ABCA1: variants seen among roughly 807,000 people sequenced by gnomAD.
ABCA1 encodes ATP binding cassette subfamily A member 1.
A neutral mutation model predicts 262.5 loss-of-function variants in ABCA1; 133 were observed. The ratio of observed to expected loss-of-function variants is 0.51; its 90% CI spans 0.44 to 0.59. ABCA1 has a LOEUF of 0.59. ABCA1 is among the 20% of genes least tolerant of loss of function. The pLI, the probability that ABCA1 is intolerant of heterozygous loss-of-function variation, is 0.00. For synonymous variants in ABCA1, 1,022 were observed against 1,043.5 expected, an observed-to-expected ratio of 0.98 and a Z score of 0.40; for missense variants, 2,452 against 2,777.5, an observed-to-expected ratio of 0.88 and a Z score of 2.63.
At chr9:104,803,501 C>T (rs1830513514) in intron 32 of ABCA1, among the ~76,000 whole-genome samples, 185 bp from the exon 33 acceptor site, 1 of 152,190 alleles carries the variant, frequency 6.6e-6, no homozygotes, top group Non-Finnish European at 1.5e-5. Context: ...CCAGCCTTCT[C>T]TCCATCATAA....
chr9:104,801,980 A>G, intron 34 of ABCA1, 74 bp downstream of exon 34: 1 of 1,363,448 alleles, frequency 7.3e-7, no homozygotes, highest in Non-Finnish European at 1.0e-6. Context: ...TGATCCGTTT[A>G]ACCTGCCAAC....
intron 1 of ABCA1, among the ~76,000 whole-genome samples, chr9:104,924,580 A>T (rs1842322217): frequency 6.6e-6 from 1 of 151,156 alleles, no homozygotes; most frequent in Non-Finnish European, 1.5e-5. Context: ...ACTGCGCTCC[A>T]GCCTAGGCAA....
At position 104,785,556 on chromosome 9, in the gene ABCA1, G is replaced by A; in HGVS notation, c.6485C>T (p.Ala2162Val). 6.2e-7 allele frequency: 1 copy of A among 1,612,790 alleles called. No individual in the cohort carries two copies. Among genetic ancestry groups the A allele is most frequent in the East Asian group, 2.2e-5 (1 of 44,806 alleles). ...CTCTTTTAGAACACTTCCAGGAAAT[G>A]CAAGTCCAAAGAAATCCTGGACAGG... is the stretch of plus-strand genomic sequence containing the variant. ...LKPVQDFFGL[A>V]FPGSVLKEKH... The change falls in exon 49 of 50, where the codon GCA becomes GTA. Residue 2162 changes from alanine (A) to valine (V), a missense_variant. Coordinates refer to ENST00000374736, the MANE Select transcript of ABCA1 (RefSeq NM_005502.4).
chr9:104,872,609 T>C (rs1346741521), intron 5 of ABCA1, among the ~76,000 whole-genome samples: 1 of 152,212 alleles, frequency 6.6e-6, no homozygotes, highest in Admixed American at 6.5e-5. Context: ...TGTAATAATA[T>C]ATGAAAAATG....
In ABCA1 at chr9:104,918,815, GC is replaced by G. The variant is rs1427391050; in HGVS notation, c.-93+9119del. Reference sequence around the variant, plus strand: ...GAAAGCTGCTGCTTGCATCAGTGTTGCCTTTATGTCAAAGTGTATCACCTAA... The same window carrying G: ...GAAAGCTGCTGCTTGCATCAGTGTTGCTTTATGTCAAAGTGTATCACCTAA... On this transcript the variant is annotated intron_variant, in intron 1 of 49. Transcript: ENST00000374736. Among the ~76,000 whole-genome samples, 3 of 152,192 alleles carry G rather than the reference GC, an allele frequency of 2.0e-5. No homozygotes were observed. In the East Asian group the frequency reaches 5.8e-4, roughly 29 times the overall value.
At position 104,836,831 on chromosome 9, in the gene ABCA1, G is replaced by T. The variant is rs1833856914; in HGVS notation, c.1311+149C>A. ...CCATGGCCTGTACTTCTGGAGAGGTGGTGCCCTGTGACTTTAGCTATGCTC... is the reference window on the plus strand; with the variant it reads ...CCATGGCCTGTACTTCTGGAGAGGTTGTGCCCTGTGACTTTAGCTATGCTC... On this transcript the variant is annotated intron_variant, in intron 11 of 49. Transcript: ENST00000374736. The T allele has an allele frequency of 5.9e-6, 4 of 676,728 alleles. No homozygotes were observed. The South Asian group carries it at 6.8e-5, about 11-fold the overall frequency. 41.9% of individuals were successfully genotyped at this position (676,728 alleles called of 1,614,324 possible). A position where few individuals can be genotyped will look rare whatever the true frequency, so the allele number is the denominator to read the frequency against.
intron 9 of ABCA1, among the ~76,000 whole-genome samples, chr9:104,839,383 T>C (rs1834157784): frequency 6.6e-6 from 1 of 152,226 alleles, no homozygotes; most frequent in Non-Finnish European, 1.5e-5. Flanking sequence ...GATGTGGCTC[T>C]AACCAAGGCA....
rs73517878 is a variant in ABCA1 at position 104,787,010 on chromosome 9, G to A, written c.6205-34C>T. 0.022 allele frequency: 34,481 copies of A among 1,560,760 alleles called. 687 individuals are homozygous for A. The highest frequency in any genetic ancestry group is 0.097 in the African/African-American group (7,089 of 73,046). On this transcript the variant is annotated intron_variant, in intron 46 of 49. Transcript: ENST00000374736. ...AGAATAAAATAAGTCTTATTTGCTG[G>A]GGGGAAAAAAAATCAAAGATAAATT... is the stretch of plus-strand genomic sequence containing the variant.
At chr9:104,829,737 C>G (rs1285561477) in intron 14 of ABCA1, among the ~76,000 whole-genome samples, 1 of 152,200 alleles carries the variant, frequency 6.6e-6, no homozygotes, top group African/African-American at 2.4e-5. Flanking sequence ...TGTCTTAAGA[C>G]ATCCTTTCTA....
At position 104,800,498 on chromosome 9, in the gene ABCA1, A is replaced by G. The variant is rs373561038; in HGVS notation, c.4773+12T>C. 2.5e-5 allele frequency: 41 copies of G among 1,611,244 alleles called. No homozygotes were observed. The highest frequency in any genetic ancestry group is 3.2e-5 in the Non-Finnish European group (38 of 1,177,394). On this transcript the variant is annotated intron_variant, in intron 35 of 49. Coordinates refer to ENST00000374736, the MANE Select transcript of ABCA1 (RefSeq NM_005502.4). ...TCATCAAAAAGCTACTAGAACAAAG[A>G]CAGCGGTTTACCTTGACATTATTTT... is the stretch of plus-strand genomic sequence containing the variant.
intron 30 of ABCA1, among the ~76,000 whole-genome samples, chr9:104,808,953 A>C (rs963553326): frequency 6.6e-6 from 1 of 152,218 alleles, no homozygotes; most frequent in African/African-American, 2.4e-5. Context: ...CACTGAATTT[A>C]TTTATCCACT....
In ABCA1 at chr9:104,788,417, C is replaced by T; in HGVS notation, c.6069+9G>A. The T allele has an allele frequency of 6.2e-7, 1 of 1,614,026 alleles. No homozygotes were observed. Among genetic ancestry groups the T allele is most frequent in the South Asian group, 1.1e-5 (1 of 91,076 alleles). On this transcript the variant is annotated intron_variant, in intron 45 of 49. Transcript: ENST00000374736. ...AGGAGACAGGCTGGCTTTCAGGTGC[C>T]CACAGTACCTTGCCAACTTCTTTCT...
intron 5 of ABCA1, among the ~76,000 whole-genome samples, chr9:104,869,027 C>G: frequency 6.9e-6 from 1 of 145,718 alleles, no homozygotes; most frequent in Non-Finnish European, 1.5e-5. Context: ...TTGGGGGAGG[C>G]TGGGAAAGAA....
chr9:104,804,688 G>A lies in ABCA1; in HGVS notation c.4497C>T (p.Asp1499=). The A allele has an allele frequency of 6.2e-7, 1 of 1,614,192 alleles. No individual in the cohort carries two copies. The highest frequency in any genetic ancestry group is 8.5e-7 in the Non-Finnish European group (1 of 1,180,032). ...RKQNTADILQ[D]LTGRNISDYL... ...AATCCGAAATGTTTCTTCCTGTCAG[G>A]TCCTGAAGGATATCTGCAGTGTTTT... The change falls in exon 32 of 50, where the codon GAC becomes GAT. Residue 1499 remains aspartate, a synonymous_variant. Coordinates refer to ENST00000374736, the MANE Select transcript of ABCA1 (RefSeq NM_005502.4).
intron 8 of ABCA1, among the ~76,000 whole-genome samples, chr9:104,843,954 T>C (rs1834620941): frequency 6.6e-6 from 1 of 151,112 alleles, no homozygotes; most frequent in Non-Finnish European, 1.5e-5. Flanking sequence ...AAACGTATAT[T>C]GTTCACTTGG....
At chr9:104,824,787 G>A (rs553372768) in intron 17 of ABCA1, among the ~76,000 whole-genome samples, 17 of 152,300 alleles carry the variant, frequency 1.1e-4, no homozygotes, top group African/African-American at 3.1e-4. Flanking sequence ...CAACCCACGG[G>A]GCAGGTGCCA....
chr9:104,893,697 G>C (rs1364231756), intron 2 of ABCA1, among the ~76,000 whole-genome samples: 1 of 152,092 alleles, frequency 6.6e-6, no homozygotes, highest in South Asian at 2.1e-4. Context: ...ATGTAGCAAG[G>C]CTAAGGCTGG....
intron 46 of ABCA1, 136 bp downstream of exon 46, chr9:104,787,784 C>T: frequency 6.3e-7 from 1 of 1,586,778 alleles, no homozygotes; most frequent in Non-Finnish European, 8.6e-7. Flanking sequence ...CTTCCCTCTG[C>T]TTTTCCAAGG....
chr9:104,884,460 GC>G lies in ABCA1; in HGVS notation c.268del (p.Ala90LeufsTer33), dbSNP rs771601621. On this transcript the variant is annotated frameshift_variant, in exon 4 of 50. Coordinates refer to ENST00000374736, the MANE Select transcript of ABCA1 (RefSeq NM_005502.4). LOFTEE classifies it high-confidence loss of function. The part of the protein sequence containing the change: ...PCFRYPTPGE[A>X]PGVVGNFNKS... Reference sequence around the variant, plus strand: ...GTTAAAGTTTCCAACAACTCCGGGAGCCTCCCCAGGAGTCGGGTAACGGAAA... The same window carrying G: ...GTTAAAGTTTCCAACAACTCCGGGAGCTCCCCAGGAGTCGGGTAACGGAAA... The G allele has an allele frequency of 1.9e-6, 3 of 1,614,226 alleles. No homozygotes were observed.
Sources: gnomAD v4.1 joint callset for allele counts (sites outside exome capture counted in the v4.1 genomes callset) on GRCh38, gnomAD v4.1.1 for gene constraint, MANE v1.5 for transcripts, NCBI Gene and HGNC (gene_info 2026-07-23, HGNC 2026-07-21) for gene names.